The following EYA2 variants were observed in gnomAD, a reference collection of about 807,000 sequenced individuals.
EYA2 encodes protein phosphatase EYA2.
A neutral mutation model predicts 69.2 loss-of-function variants in EYA2; 31 were observed. The ratio of observed to expected loss-of-function variants is 0.45; its 90% CI spans 0.34 to 0.60. The LOEUF (loss-of-function observed/expected upper bound fraction) is 0.60, where lower values mean the gene tolerates loss of function less well. EYA2 is among the 20% of genes least tolerant of loss of function. EYA2 has a pLI of 0.02. For synonymous variants in EYA2, 257 were observed against 279.4 expected, an observed-to-expected ratio of 0.92 and a Z score of 0.80; for missense variants, 622 against 701.2, an observed-to-expected ratio of 0.89 and a Z score of 1.28.
chr20:47,105,265 C>T (rs1163856487), intron 9 of EYA2, among the ~76,000 whole-genome samples: 1 of 152,180 alleles, frequency 6.6e-6, no homozygotes, highest in Non-Finnish European at 1.5e-5. Context: ...AGCCTTTGCA[C>T]TTGCTGTTGT....
chr20:47,114,579 C>T (rs2032841185), intron 9 of EYA2, among the ~76,000 whole-genome samples: 1 of 152,160 alleles, frequency 6.6e-6, no homozygotes, highest in Non-Finnish European at 1.5e-5. Flanking sequence ...CGTGCCATTG[C>T]ACTCCAGCCT....
intron 1 of EYA2, among the ~76,000 whole-genome samples, chr20:46,948,803 A>T (rs1978628661): frequency 6.6e-6 from 1 of 152,222 alleles, no homozygotes; most frequent in Non-Finnish European, 1.5e-5. Flanking sequence ...TATTATGTTC[A>T]CTTCTCTAAG....
chr20:47,133,631 A>G (rs776355819), intron 9 of EYA2, among the ~76,000 whole-genome samples: 4 of 152,208 alleles, frequency 2.6e-5, no homozygotes, highest in Non-Finnish European at 5.9e-5. Flanking sequence ...TTATTACAGT[A>G]AAAGGACACA....
At chr20:46,921,215 A>G (rs1436016433) in intron 1 of EYA2, among the ~76,000 whole-genome samples, 1 of 152,240 alleles carries the variant, frequency 6.6e-6, no homozygotes, top group Non-Finnish European at 1.5e-5. Context: ...CCCTCGCCTC[A>G]GAGAGCTTGG....
chr20:46,982,249 G>A (rs1980881117), intron 1 of EYA2, among the ~76,000 whole-genome samples: 1 of 152,086 alleles, frequency 6.6e-6, no homozygotes, highest in Non-Finnish European at 1.5e-5. Context: ...TGCTGGCATA[G>A]AATTCCACAG....
At chr20:46,943,911 A>C (rs1385603970) in intron 1 of EYA2, among the ~76,000 whole-genome samples, 1 of 151,944 alleles carries the variant, frequency 6.6e-6, no homozygotes, top group Non-Finnish European at 1.5e-5. Context: ...TTTTTCTTTT[A>C]TATCTCTCCC....
chr20:47,183,508 C>T (rs1600780649), intron 15 of EYA2, 117 bp downstream of exon 15: 1 of 806,104 alleles, frequency 1.2e-6, no homozygotes, highest in Non-Finnish European at 2.0e-6. Context: ...TCCTCCTTCC[C>T]AGGCTCCTTG....
At chr20:47,099,525 A>AAT (rs2032363297) in intron 9 of EYA2, among the ~76,000 whole-genome samples, 2 of 152,122 alleles carry the variant, frequency 1.3e-5, no homozygotes, top group African/African-American at 4.8e-5. Context: ...TCAATCAATC[A>AAT]CTCAATCAAT....
intron 2 of EYA2, among the ~76,000 whole-genome samples, chr20:46,991,462 T>C (rs764850673): frequency 2.0e-5 from 3 of 152,212 alleles, no homozygotes; most frequent in African/African-American, 4.8e-5. Flanking sequence ...CTTGGGGGCA[T>C]GGTGCATGGT....
At chr20:46,909,112 G>A (rs1423757096) in intron 1 of EYA2, among the ~76,000 whole-genome samples, 4 of 151,694 alleles carry the variant, frequency 2.6e-5, no homozygotes, top group Admixed American at 2.6e-4. Flanking sequence ...CCTCCTTCGG[G>A]TTTTCATTAG....
chr20:47,007,375 A>G (rs1319798329), intron 4 of EYA2, among the ~76,000 whole-genome samples: 1 of 152,240 alleles, frequency 6.6e-6, no homozygotes, highest in African/African-American at 2.4e-5. Flanking sequence ...AGCCATGTGC[A>G]GGCACAGACA....
intron 10 of EYA2, among the ~76,000 whole-genome samples, chr20:47,143,517 C>G (rs2033639874): frequency 6.6e-6 from 1 of 152,108 alleles, no homozygotes; most frequent in African/African-American, 2.4e-5. Flanking sequence ...CCTCCTGGGT[C>G]AGTAATAATT....
chr20:47,056,115 T>G (rs2030597790), intron 5 of EYA2, among the ~76,000 whole-genome samples: 1 of 152,222 alleles, frequency 6.6e-6, no homozygotes, highest in Non-Finnish European at 1.5e-5. Context: ...AATGAGGCCA[T>G]TGTGACATTT....
At chr20:47,062,548 C>T (rs1356889973) in intron 5 of EYA2, among the ~76,000 whole-genome samples, 1 of 152,198 alleles carries the variant, frequency 6.6e-6, no homozygotes, top group African/African-American at 2.4e-5. Flanking sequence ...AGCGGCTCTC[C>T]TGGCAGCTGT....
intron 1 of EYA2, among the ~76,000 whole-genome samples, chr20:46,909,388 T>A (rs1198293693): frequency 6.6e-6 from 1 of 151,996 alleles, no homozygotes; most frequent in African/African-American, 2.4e-5. Flanking sequence ...CTCCAGGAGC[T>A]TTTTAAGACC....
intron 1 of EYA2, among the ~76,000 whole-genome samples, chr20:46,905,599 C>T (rs994955683): frequency 2.0e-5 from 3 of 152,260 alleles, no homozygotes; most frequent in South Asian, 2.1e-4. Flanking sequence ...TCTTGCCAAC[C>T]GGAATGAAGT....
At chr20:47,087,346 A>G (rs889942401) in intron 7 of EYA2, among the ~76,000 whole-genome samples, 1 of 152,200 alleles carries the variant, frequency 6.6e-6, no homozygotes, top group Non-Finnish European at 1.5e-5. Flanking sequence ...TGTGTGACAC[A>G]TTTGGGAGCT....
intron 9 of EYA2, 45 bp downstream of exon 9, chr20:47,097,213 G>A (rs368139552): frequency 1.1e-5 from 16 of 1,450,914 alleles, no homozygotes; most frequent in African/African-American, 5.7e-5. Flanking sequence ...TGTTTTCAAC[G>A]TTATTGTCCA....
chr20:47,020,159 T>A (rs7360150), intron 5 of EYA2, among the ~76,000 whole-genome samples: 4 of 152,060 alleles, frequency 2.6e-5, no homozygotes, highest in South Asian at 4.1e-4. Context: ...TATATAATTT[T>A]TAGAAGCAAA....
Sources: gnomAD v4.1 joint callset for allele counts (sites outside exome capture counted in the v4.1 genomes callset) on GRCh38, gnomAD v4.1.1 for gene constraint, MANE v1.5 for transcripts, NCBI Gene and HGNC (gene_info 2026-07-23, HGNC 2026-07-21) for gene names.